The following PTBP2 variants were observed in gnomAD, a reference collection of about 807,000 sequenced individuals.
PTBP2 encodes the protein polypyrimidine tract binding protein 2.
Under a neutral mutation model 61.4 loss-of-function variants are expected in PTBP2, and 13 were observed. The observed-to-expected ratio is 0.21, with a 90% CI of 0.14 to 0.34. The LOEUF (loss-of-function observed/expected upper bound fraction) is 0.34, where lower values mean the gene tolerates loss of function less well. Among genes scored for constraint, PTBP2 ranks in the 10% least tolerant of loss-of-function variants. The pLI is 1.00. For missense variants in PTBP2, 405 were observed against 642.6 expected, an observed-to-expected ratio of 0.63 and a Z score of 4.00; for synonymous variants, 215 against 218.5, an observed-to-expected ratio of 0.98 and a Z score of 0.14.
At chr1:96,798,069 C>CTT (rs1660573000) in intron 8 of PTBP2, among the ~76,000 whole-genome samples, 1 of 146,490 alleles carries the variant, frequency 6.8e-6, no homozygotes, top group Admixed American at 6.9e-5. Context: ...GAGCGAGACT[C>CTT]TGTCTCTAAA....
intron 3 of PTBP2, 51 bp downstream of exon 3, chr1:96,751,551 A>C: frequency 7.3e-7 from 1 of 1,371,996 alleles, no homozygotes. Flanking sequence ...AGGGGGCAGA[A>C]TGTTAAAACT....
At chr1:96,784,085 A>T (rs1400448609) in intron 7 of PTBP2, among the ~76,000 whole-genome samples, 1 of 152,108 alleles carries the variant, frequency 6.6e-6, no homozygotes, top group African/African-American at 2.4e-5. Context: ...GTAGAGGTTT[A>T]CTTTTTCCAT....
At chr1:96,759,246 T>C (rs1268222138) in intron 3 of PTBP2, among the ~76,000 whole-genome samples, 1 of 152,200 alleles carries the variant, frequency 6.6e-6, no homozygotes, top group African/African-American at 2.4e-5. Flanking sequence ...GACTTATAAA[T>C]TGAGAGTACA....
intron 3 of PTBP2, among the ~76,000 whole-genome samples, chr1:96,763,386 G>A (rs1656253157): frequency 6.6e-6 from 1 of 152,044 alleles, no homozygotes; most frequent in African/African-American, 2.4e-5. Flanking sequence ...GACCAGCCCG[G>A]CCAACACAGC....
At chr1:96,798,237 C>G (rs273866) in intron 8 of PTBP2, among the ~76,000 whole-genome samples, 36,815 of 151,740 alleles carry the variant, frequency 0.24, 5,536 homozygotes, top group East Asian at 0.46. Context: ...GAAACACTGT[C>G]TCTACTAAAA....
downstream of PTBP2, chr1:96,817,649 T>G (rs1244039629): frequency 2.0e-5 from 3 of 152,116 alleles, no homozygotes; most frequent in Non-Finnish European, 1.5e-5. Flanking sequence ...ATATATTAGT[T>G]GAAAGAAAAC....
At chr1:96,735,259 A>C (rs1160239846) in intron 2 of PTBP2, among the ~76,000 whole-genome samples, 2 of 152,172 alleles carry the variant, frequency 1.3e-5, no homozygotes, top group Non-Finnish European at 2.9e-5. Context: ...GATATCTAAA[A>C]AGAAATGTAA....
intron 8 of PTBP2, among the ~76,000 whole-genome samples, chr1:96,800,775 C>T (rs1182936546): frequency 6.6e-6 from 1 of 151,958 alleles, no homozygotes; most frequent in Non-Finnish European, 1.5e-5. Flanking sequence ...GCTTTTAATT[C>T]TCAATTACCA....
chr1:96,747,668 T>G (rs946577274), intron 2 of PTBP2, among the ~76,000 whole-genome samples: 1 of 151,658 alleles, frequency 6.6e-6, no homozygotes, highest in Middle Eastern at 3.4e-3. Flanking sequence ...AATAAAAGAG[T>G]TTTTTTGTTT....
chr1:96,806,597 C>G, intron 10 of PTBP2, 145 bp downstream of exon 10: 2 of 933,384 alleles, frequency 2.1e-6, no homozygotes, highest in East Asian at 2.6e-5. Context: ...TCCATAGACA[C>G]AAAATTTGTT....
intron 2 of PTBP2, among the ~76,000 whole-genome samples, chr1:96,726,961 T>C (rs1461846402): frequency 6.6e-6 from 1 of 152,194 alleles, no homozygotes; most frequent in Non-Finnish European, 1.5e-5. Context: ...AAATATACAA[T>C]GTTTTATCTC....
At chr1:96,723,524 G>T in intron 1 of PTBP2, 40 bp from the exon 2 acceptor site, 1 of 1,550,854 alleles carries the variant, frequency 6.4e-7, no homozygotes, top group Non-Finnish European at 8.8e-7. Context: ...GTGATTAGAA[G>T]AATAACAGGA....
chr1:96,799,323 T>C (rs1352890186), intron 8 of PTBP2, among the ~76,000 whole-genome samples: 2 of 127,074 alleles, frequency 1.6e-5, no homozygotes, highest in African/African-American at 3.0e-5. Context: ...TGAGATGGAG[T>C]CTTGCTCTGT....
intron 5 of PTBP2, among the ~76,000 whole-genome samples, chr1:96,775,152 T>C (rs1657891048): frequency 6.6e-6 from 1 of 152,214 alleles, no homozygotes; most frequent in Non-Finnish European, 1.5e-5. Context: ...AATGAGATAC[T>C]GCTATGCACA....
At chr1:96,762,990 G>T (rs1656179067) in intron 3 of PTBP2, among the ~76,000 whole-genome samples, 1 of 151,804 alleles carries the variant, frequency 6.6e-6, no homozygotes, top group Non-Finnish European at 1.5e-5. Context: ...GGGCGGCCGG[G>T]CAGAGACGCT....
chr1:96,773,791 C>T (rs780667911), intron 5 of PTBP2, among the ~76,000 whole-genome samples: 2 of 151,438 alleles, frequency 1.3e-5, no homozygotes, highest in Non-Finnish European at 2.9e-5. Flanking sequence ...GGTGAAACCC[C>T]GTCTGTACTA....
At chr1:96,805,798 G>A (rs1158630515) in intron 9 of PTBP2, among the ~76,000 whole-genome samples, 1 of 152,048 alleles carries the variant, frequency 6.6e-6, no homozygotes, top group Non-Finnish European at 1.5e-5. Flanking sequence ...TTTATTTTAA[G>A]ACTTTTGCCT....
At chr1:96,789,717 T>A (rs1389777420) in intron 8 of PTBP2, among the ~76,000 whole-genome samples, 6 of 152,114 alleles carry the variant, frequency 3.9e-5, no homozygotes, top group Non-Finnish European at 8.8e-5. Context: ...TTCAGCTATT[T>A]GCTAATATAA....
chr1:96,784,971 TGTTGTTGA>T (rs1659062784), intron 7 of PTBP2, 80 bp from the exon 8 acceptor site: 2 of 1,098,826 alleles, frequency 1.8e-6, no homozygotes, highest in Non-Finnish European at 2.6e-6. Context: ...TTCGAGTTTT[TGTTGTTGA>T]GTTTTATTAC....
Sources: allele counts gnomAD v4.1 joint callset (sites outside exome capture counted in the v4.1 genomes callset), GRCh38; gene constraint gnomAD v4.1.1; transcripts MANE v1.5; gene names NCBI Gene and HGNC (gene_info 2026-07-23, HGNC 2026-07-21).